Variants in TULP3 observed in about 807,000 individuals in gnomAD.
The protein encoded by TULP3 is TUB like protein 3.
TULP3 carries 38 observed loss-of-function variants against 50.7 expected under a neutral mutation model. That is an observed-to-expected ratio of 0.75 (90% confidence interval 0.58 to 0.98). The LOEUF (loss-of-function observed/expected upper bound fraction) is 0.98, where lower values mean the gene tolerates loss of function less well. TULP3 is among the 50% of genes least tolerant of loss of function. The pLI, the probability that TULP3 is intolerant of heterozygous loss-of-function variation, is 0.00. For missense variants in TULP3, 550 were observed against 568.0 expected (o/e 0.97, Z 0.32); for synonymous variants, 183 against 196.6 (o/e 0.93, Z 0.58).
chr12:2,894,739 C>G (rs1027584230), intron 1 of TULP3, among the ~76,000 whole-genome samples: 1 of 151,948 alleles, frequency 6.6e-6, no homozygotes, highest in Non-Finnish European at 1.5e-5. Context: ...ACTAAAAATA[C>G]AAAAATTAGC....
intron 1 of TULP3, among the ~76,000 whole-genome samples, chr12:2,893,170 G>A (rs763821803): frequency 1.5e-4 from 22 of 151,716 alleles, no homozygotes; most frequent in Non-Finnish European, 2.5e-4. Flanking sequence ...GCCCTAAATT[G>A]TAAAATTGAC....
At chr12:2,927,662 T>C (rs1026875537) in intron 4 of TULP3, among the ~76,000 whole-genome samples, 75 of 152,130 alleles carry the variant, frequency 4.9e-4, no homozygotes, top group African/African-American at 1.7e-3. Flanking sequence ...CTGAGATTGA[T>C]TTTTTTAAAA....
At chr12:2,897,492 C>T (rs1394762998) in intron 1 of TULP3, among the ~76,000 whole-genome samples, 1 of 152,070 alleles carries the variant, frequency 6.6e-6, no homozygotes, top group Admixed American at 6.6e-5. Flanking sequence ...TTCCCAGGCA[C>T]AGTGGTTCAG....
intron 4 of TULP3, among the ~76,000 whole-genome samples, chr12:2,924,636 A>G (rs1280107342): frequency 1.3e-5 from 2 of 151,532 alleles, no homozygotes; most frequent in African/African-American, 4.9e-5. Flanking sequence ...AGCTATGATC[A>G]TGCCACAGCA....
chr12:2,936,354 C>T (rs1404506341), intron 8 of TULP3, among the ~76,000 whole-genome samples: 4 of 152,096 alleles, frequency 2.6e-5, no homozygotes, highest in Non-Finnish European at 5.9e-5. Flanking sequence ...CTAATTTTCA[C>T]TGTATGTAAT....
chr12:2,894,714 C>T (rs541197173), intron 1 of TULP3, among the ~76,000 whole-genome samples: 2 of 151,986 alleles, frequency 1.3e-5, no homozygotes, highest in South Asian at 2.1e-4. Context: ...ACCAACATGG[C>T]GAAACCCTGT....
At chr12:2,932,579 CAAAAAA>C (rs11409686) in intron 6 of TULP3, among the ~76,000 whole-genome samples, 1 of 68,904 alleles carries the variant, frequency 1.5e-5, no homozygotes, top group East Asian at 4.5e-4. Flanking sequence ...GACCCTATCT[CAAAAAA>C]AAAAAAAAAA....
intron 6 of TULP3, among the ~76,000 whole-genome samples, chr12:2,933,104 A>G (rs1319790451): frequency 1.3e-5 from 2 of 151,954 alleles, no homozygotes; most frequent in African/African-American, 4.8e-5. Flanking sequence ...AACCACGCCC[A>G]GCTAATTTTT....
At chr12:2,916,943 A>G (rs1223214063) in intron 2 of TULP3, among the ~76,000 whole-genome samples, 1 of 152,186 alleles carries the variant, frequency 6.6e-6, no homozygotes, top group Non-Finnish European at 1.5e-5. Context: ...GTAAGTAGAT[A>G]GAGAGAGGCT....
At chr12:2,918,321 C>T (rs1251557740) in intron 2 of TULP3, among the ~76,000 whole-genome samples, 2 of 150,942 alleles carry the variant, frequency 1.3e-5, no homozygotes, top group African/African-American at 2.4e-5. Flanking sequence ...CATGTTGGCC[C>T]GGCTGGTCTC....
At chr12:2,894,585 G>C (rs1289778405) in intron 1 of TULP3, among the ~76,000 whole-genome samples, 2 of 150,012 alleles carry the variant, frequency 1.3e-5, no homozygotes, top group Non-Finnish European at 2.9e-5. Flanking sequence ...ACAAAAAAGA[G>C]ATCTGTCAAG....
At chr12:2,900,602 C>CT (rs10664124) in intron 1 of TULP3, among the ~76,000 whole-genome samples, 3,950 of 149,622 alleles carry the variant, frequency 0.026, 166 homozygotes, top group African/African-American at 0.088. Flanking sequence ...TTGAATAATA[C>CT]TTTTTTTTTT....
chr12:2,934,649 C>G lies in TULP3; in HGVS notation c.924+88C>G, dbSNP rs569074578. ...TAGTGTCGCTGAAGAACCTCCCCTC[C>G]CAAGCTTGTTTCTATTTCTGTGATT... On this transcript the variant is annotated intron_variant, in intron 8 of 10. Coordinates refer to ENST00000448120, the MANE Select transcript of TULP3 (RefSeq NM_003324.5). The G allele has an allele frequency of 4.1e-4, 292 of 711,074 alleles. 1 individual carries two copies. Among genetic ancestry groups the G allele is most frequent in the Non-Finnish European group, 5.6e-4 (256 of 459,524 alleles). 44.0% of individuals were successfully genotyped at this position (711,074 alleles called of 1,614,324 possible).
At position 2,917,876 on chromosome 12, in the gene TULP3, C is replaced by CAA. The variant is rs71057863; in HGVS notation, c.94-2878_94-2877dup. On this transcript the variant is annotated intron_variant, in intron 2 of 10. Transcript: ENST00000448120. ...TGTGTGACAGTGCAAGACTCTGTCTCAAAAAAAAAAGAAAATATTTTCCTT... is the reference window on the plus strand; with the variant it reads ...TGTGTGACAGTGCAAGACTCTGTCTCAAAAAAAAAAAAGAAAATATTTTCCTT... Among the ~76,000 whole-genome samples, 856 of 146,726 alleles carry CAA rather than the reference C, an allele frequency of 5.8e-3. 6 individuals are homozygous for CAA. Among genetic ancestry groups the CAA allele is most frequent in the African/African-American group, 0.019 (778 of 40,010 alleles).
chr12:2,930,554 G>A (rs1484817710), intron 5 of TULP3, among the ~76,000 whole-genome samples: 2 of 152,110 alleles, frequency 1.3e-5, no homozygotes, highest in Admixed American at 6.6e-5. Flanking sequence ...CTCCCGAGTA[G>A]CTGGGACTAC....
chr12:2,940,221 C>A lies in TULP3; in HGVS notation c.*777C>A. ...AGTGCCTCTCACAGCTATATGACTA[C>A]GGATCCATTAGTGAGGAGCGACACA... On this transcript the variant is annotated 3_prime_UTR_variant, in exon 11 of 11. Coordinates refer to ENST00000448120, the MANE Select transcript of TULP3 (RefSeq NM_003324.5). 7.5e-7 allele frequency: 1 copy of A among 1,341,176 alleles called. No homozygotes were observed. 83.1% of individuals were successfully genotyped at this position (1,341,176 alleles called of 1,614,324 possible).
At chr12:2,896,093 A>G (rs2098175425) in intron 1 of TULP3, among the ~76,000 whole-genome samples, 1 of 152,032 alleles carries the variant, frequency 6.6e-6, no homozygotes, top group Non-Finnish European at 1.5e-5. Flanking sequence ...GGCGTGCACC[A>G]CCATGCCCAG....
chr12:2,895,197 T>C (rs1226651733), intron 1 of TULP3, among the ~76,000 whole-genome samples: 3 of 152,220 alleles, frequency 2.0e-5, no homozygotes, highest in African/African-American at 7.2e-5. Flanking sequence ...CAGCATTCTT[T>C]GGGGCTATGG....
chr12:2,918,644 G>A (rs925676179), intron 2 of TULP3, among the ~76,000 whole-genome samples: 29 of 152,110 alleles, frequency 1.9e-4, no homozygotes, highest in African/African-American at 6.3e-4. Context: ...AGGCTCAAGC[G>A]ATTCTCCCGC....
Sources: gnomAD v4.1 joint callset for allele counts (sites outside exome capture counted in the v4.1 genomes callset) on GRCh38, gnomAD v4.1.1 for gene constraint, MANE v1.5 for transcripts, NCBI Gene and HGNC (gene_info 2026-07-23, HGNC 2026-07-21) for gene names.